Variants in ZNF503 observed in about 807,000 individuals in gnomAD.
ZNF503 encodes the protein zinc finger protein 503, also known as NocA-like zinc finger 2.
A neutral mutation model predicts 34.4 loss-of-function variants in ZNF503; 15 were observed. The observed-to-expected ratio is 0.44, with a 90% CI of 0.29 to 0.67. ZNF503 has a LOEUF of 0.67. Among genes scored for constraint, ZNF503 ranks in the 30% least tolerant of loss-of-function variants. The probability of loss-of-function intolerance (pLI) is 0.13; values close to 1 mark genes in which losing one functional copy is unlikely to be tolerated. For synonymous variants in ZNF503, 580 were observed against 456.8 expected, an observed-to-expected ratio of 1.27 and a Z score of -3.44; for missense variants, 1,007 against 926.8, an observed-to-expected ratio of 1.09 and a Z score of -1.12.
the ZNF503 span, among the ~76,000 whole-genome samples, chr10:75,374,700 A>G: frequency 6.6e-6 from 1 of 152,246 alleles, no homozygotes; most frequent in African/African-American, 2.4e-5. Context: ...CCATTGGAAG[A>G]GAGGACAGTC....
At chr10:75,293,891 A>G in the ZNF503 span, among the ~76,000 whole-genome samples, 1 of 152,138 alleles carries the variant, frequency 6.6e-6, no homozygotes, top group Non-Finnish European at 1.5e-5. Flanking sequence ...GACTTGCCCA[A>G]ATTCTCATGG....
the ZNF503 span, among the ~76,000 whole-genome samples, chr10:75,339,693 G>A: frequency 2.0e-5 from 3 of 152,166 alleles, no homozygotes; most frequent in African/African-American, 7.2e-5. Context: ...AGGAGGCGGA[G>A]TCCCTGGGGG....
the ZNF503 span, chr10:75,358,194 C>G: frequency 1.2e-4 from 18 of 152,208 alleles, no homozygotes; most frequent in Admixed American, 3.3e-4. Flanking sequence ...CTCCACTGTG[C>G]TTTTCATTGG....
At chr10:75,343,536 C>T in the ZNF503 span, among the ~76,000 whole-genome samples, 1 of 152,212 alleles carries the variant, frequency 6.6e-6, no homozygotes, top group Non-Finnish European at 1.5e-5. Flanking sequence ...TCTCTACTCC[C>T]CACTGCCCAA....
Position 75,397,960 on chromosome 10 carries a change from GTTAAGTGTTCCT to G in ZNF503, c.*777_*788del, listed in dbSNP as rs557708410. ...CGGGTGGACTTAAAAATTAAAAATA[GTTAAGTGTTCCT>G]TTTAAAGAACAAAATAAGGCAAATG... On this transcript the variant is annotated 3_prime_UTR_variant, in exon 2 of 2. Transcript: ENST00000372524. The G allele has an allele frequency of 3.3e-5, 5 of 152,558 alleles. No homozygotes were observed. Among genetic ancestry groups the G allele is most frequent in the African/African-American group, 1.2e-4 (5 of 41,512 alleles). 9.5% of individuals were successfully genotyped at this position (152,558 alleles called of 1,614,324 possible). A position where few individuals can be genotyped will look rare whatever the true frequency, so the allele number is the denominator to read the frequency against.
chr10:75,395,834 G>T (rs1404907128), downstream of ZNF503, among the ~76,000 whole-genome samples: 1 of 152,230 alleles, frequency 6.6e-6, no homozygotes, highest in Non-Finnish European at 1.5e-5. The surrounding 1 kb of genome is among the most constrained non-coding windows in gnomAD (Gnocchi z 4.4). Flanking sequence ...TTTGGGTTGT[G>T]TTGATAAAAT....
the ZNF503 span, among the ~76,000 whole-genome samples, chr10:75,331,413 C>T: frequency 3.3e-5 from 5 of 152,160 alleles, no homozygotes; most frequent in Non-Finnish European, 5.9e-5. Flanking sequence ...AAGTCCCCAA[C>T]TATTTTGTAT....
intron 1 of ZNF503, 92 bp from the exon 2 acceptor site, chr10:75,400,466 C>T (rs1843783082): frequency 2.0e-5 from 29 of 1,457,610 alleles, no homozygotes; most frequent in Non-Finnish European, 2.5e-5. Context: ...AATGCCTCTC[C>T]GCAACAGCCC....
At chr10:75,370,778 C>CAAAAAAAAA in the ZNF503 span, among the ~76,000 whole-genome samples, 31 of 67,974 alleles carry the variant, frequency 4.6e-4, no homozygotes, top group Admixed American at 6.5e-4. Flanking sequence ...GGCTCCATCT[C>CAAAAAAAAA]AAAAAAAAAA....
the ZNF503 span, among the ~76,000 whole-genome samples, chr10:75,335,516 T>A: frequency 2.6e-5 from 4 of 152,174 alleles, no homozygotes; most frequent in African/African-American, 4.8e-5. Flanking sequence ...AAATCAGTAG[T>A]TCTAAGAGAC....
At chr10:75,386,917 C>T in the ZNF503 span, among the ~76,000 whole-genome samples, 7 of 152,206 alleles carry the variant, frequency 4.6e-5, no homozygotes, top group East Asian at 1.9e-4. Flanking sequence ...CATCACAGCC[C>T]GCCTTAAGGC....
the ZNF503 span, among the ~76,000 whole-genome samples, chr10:75,326,126 T>C: frequency 6.6e-6 from 1 of 152,230 alleles, no homozygotes; most frequent in African/African-American, 2.4e-5. Context: ...TAACAAAAAT[T>C]GGAATTCCAA....
chr10:75,293,879 T>C, the ZNF503 span, among the ~76,000 whole-genome samples: 1 of 152,222 alleles, frequency 6.6e-6, no homozygotes, highest in African/African-American at 2.4e-5. Context: ...AGGAAAGTCC[T>C]GGACTTGCCC....
chr10:75,379,280 A>G, the ZNF503 span, among the ~76,000 whole-genome samples: 1,650 of 152,316 alleles, frequency 0.011, 32 homozygotes, highest in African/African-American at 0.035. Flanking sequence ...AGCTGTAGTT[A>G]GGATTAATCT....
At chr10:75,319,029 G>A in the ZNF503 span, among the ~76,000 whole-genome samples, 2 of 151,932 alleles carry the variant, frequency 1.3e-5, no homozygotes, top group African/African-American at 2.4e-5. Flanking sequence ...ATGCAATCAC[G>A]GCTTACTGCA....
At chr10:75,303,469 C>T in the ZNF503 span, among the ~76,000 whole-genome samples, 13 of 152,332 alleles carry the variant, frequency 8.5e-5, no homozygotes, top group South Asian at 1.0e-3. Context: ...GTTGGATCCA[C>T]GTTGTACCAT....
the ZNF503 span, among the ~76,000 whole-genome samples, chr10:75,341,967 C>T: frequency 6.6e-5 from 10 of 152,220 alleles, no homozygotes; most frequent in African/African-American, 2.4e-4. Context: ...TTTCCCTTGG[C>T]TTATTTCTTG....
chr10:75,395,115 G>A (rs953770921), downstream of ZNF503, among the ~76,000 whole-genome samples: 2 of 152,226 alleles, frequency 1.3e-5, no homozygotes, highest in Non-Finnish European at 2.9e-5. This position sits in a 1 kb window ranked among gnomAD's most constrained non-coding sequence, Gnocchi z 4.4. Flanking sequence ...GAAATCATCA[G>A]TGAAGGAGGG....
At chr10:75,326,648 TA>T in the ZNF503 span, among the ~76,000 whole-genome samples, 1 of 151,426 alleles carries the variant, frequency 6.6e-6, no homozygotes, top group Non-Finnish European at 1.5e-5. Context: ...TTTATTGTTT[TA>T]TTTTTTTTTC....
Sources: gnomAD v4.1 joint callset for allele counts (sites outside exome capture counted in the v4.1 genomes callset) on GRCh38, gnomAD v4.1.1 for gene constraint, Gnocchi (gnomAD v3.1) non-coding constraint, MANE v1.5 for transcripts, NCBI Gene and HGNC (gene_info 2026-07-23, HGNC 2026-07-21) for gene names.